The following PHLPP1 variants were observed in gnomAD, a reference collection of about 807,000 sequenced individuals.
PHLPP1 encodes PH domain leucine-rich repeat-containing protein phosphatase 1.
A neutral mutation model predicts 117.2 loss-of-function variants in PHLPP1; 42 were observed. The observed-to-expected ratio is 0.36, with a 90% CI of 0.28 to 0.46. The LOEUF (loss-of-function observed/expected upper bound fraction) is 0.46. Ranked by LOEUF, PHLPP1 falls within the 20% of genes least tolerant of loss-of-function variation. The probability of loss-of-function intolerance (pLI) is 1.00; values close to 1 mark genes in which losing one functional copy is unlikely to be tolerated. For synonymous variants in PHLPP1, 1,042 were observed against 970.7 expected, an observed-to-expected ratio of 1.07 and a Z score of -1.37; for missense variants, 2,084 against 2,241.9, an observed-to-expected ratio of 0.93 and a Z score of 1.42.
intron 1 of PHLPP1, among the ~76,000 whole-genome samples, chr18:62,752,749 A>G (rs934980024): frequency 1.3e-5 from 2 of 152,188 alleles, no homozygotes; most frequent in African/African-American, 4.8e-5. Flanking sequence ...CACTCTTGTT[A>G]CATGTTCAAT....
intron 1 of PHLPP1, among the ~76,000 whole-genome samples, chr18:62,801,297 C>T (rs909688266): frequency 5.3e-5 from 8 of 151,516 alleles, no homozygotes; most frequent in Non-Finnish European, 1.2e-4. Flanking sequence ...CTTGCCTTGG[C>T]CTCCCAAAGT....
Position 62,979,640 on chromosome 18 carries a change from G to A in PHLPP1, c.*209G>A. On this transcript the variant is annotated 3_prime_UTR_variant, in exon 17 of 17. Transcript: ENST00000262719. Reference sequence around the variant, plus strand: ...TCTTCTAGTGATGCTTTACCAATATGATTTACATTTGTTAACTTCTCCCCC... The same window carrying A: ...TCTTCTAGTGATGCTTTACCAATATAATTTACATTTGTTAACTTCTCCCCC... 1 of 588,826 alleles carries A rather than the reference G, an allele frequency of 1.7e-6. No homozygotes were observed. The highest frequency in any genetic ancestry group is 3.2e-5 in the Admixed American group (1 of 31,038). 36.5% of individuals were successfully genotyped at this position (588,826 alleles called of 1,614,324 possible). A position where few individuals can be genotyped will look rare whatever the true frequency, so the allele number is the denominator to read the frequency against.
At chr18:62,895,250 G>A in intron 5 of PHLPP1, 93 bp downstream of exon 5, 1 of 1,305,926 alleles carries the variant, frequency 7.7e-7, no homozygotes, top group Non-Finnish European at 1.1e-6. Flanking sequence ...AACTTGTTAT[G>A]TTGCTCATGT....
chr18:62,729,861 A>G (rs781764055), intron 1 of PHLPP1, among the ~76,000 whole-genome samples: 2 of 152,240 alleles, frequency 1.3e-5, no homozygotes, highest in Non-Finnish European at 2.9e-5. Flanking sequence ...ATTATATAGT[A>G]TTTTGGTATT....
In PHLPP1 at chr18:62,716,428, G is replaced by T. The variant is rs1599009522; in HGVS notation, c.745G>T (p.Gly249Cys). The change falls in exon 1 of 17, where the codon GGC (glycine) becomes TGC (cysteine). Residue 249 changes from glycine (G) to cysteine (C), a missense_variant. Physicochemically the swap from Gly to Cys is radical, Grantham distance 159. Coordinates refer to ENST00000262719, the MANE Select transcript of PHLPP1 (RefSeq NM_194449.4). The surrounding 1 kb of genome is among the most constrained non-coding windows in gnomAD (Gnocchi z 5.7). The stretch of plus-strand genomic sequence containing the variant: ...AGGCGGCGGCGTGGTGAAGGTGCTG[G>T]GCCAGGGGCCCGGAGCCGCCGCCGC... Reference protein sequence around the residue: ...HKGGGVVKVLGQGPGAAAARE... With the variant: ...HKGGGVVKVLCQGPGAAAARE... 1 of 1,386,900 alleles carries T rather than the reference G, an allele frequency of 7.2e-7. No individual in the cohort carries two copies. Among genetic ancestry groups the T allele is most frequent in the East Asian group, 3.1e-5 (1 of 32,704 alleles). The allele number at this position is 1,386,900 out of a possible 1,614,324, so 85.9% of individuals were successfully genotyped here. A position where few individuals can be genotyped will look rare whatever the true frequency, so the allele number is the denominator to read the frequency against.
chr18:62,979,527 C>T lies in PHLPP1; in HGVS notation c.*96C>T, dbSNP rs975982425. On this transcript the variant is annotated 3_prime_UTR_variant, in exon 17 of 17. Transcript: ENST00000262719. The stretch of plus-strand genomic sequence containing the variant: ...TAAACCAGGGGTTTTACTCCACATC[C>T]TTCCCCCAGACACTGTTCCCAACCT... 2 of 1,339,188 alleles carry T rather than the reference C, an allele frequency of 1.5e-6. No homozygotes were observed. The highest frequency in any genetic ancestry group is 2.0e-6 in the Non-Finnish European group (2 of 986,236). 83.0% of individuals were successfully genotyped at this position (1,339,188 alleles called of 1,614,324 possible). A position where few individuals can be genotyped will look rare whatever the true frequency, so the allele number is the denominator to read the frequency against.
intron 10 of PHLPP1, among the ~76,000 whole-genome samples, chr18:62,925,469 A>G (rs754917267): frequency 6.7e-6 from 1 of 150,332 alleles, no homozygotes; most frequent in Non-Finnish European, 1.5e-5. Flanking sequence ...GTGCTTATTA[A>G]ATATTCCCAG....
chr18:62,886,091 C>T (rs1916281075), intron 4 of PHLPP1, among the ~76,000 whole-genome samples: 1 of 152,106 alleles, frequency 6.6e-6, no homozygotes, highest in African/African-American at 2.4e-5. Context: ...TGTGTATAAA[C>T]GTACGGTGTC....
rs60926774 is a variant in PHLPP1, at chr18:62,963,377, C to T, written c.3465C>T (p.Arg1155=). 1.0e-3 allele frequency: 1,607 copies of T among 1,610,920 alleles called. 13 individuals carry two copies. In the African/African-American group the frequency reaches 0.019, roughly 19 times the overall value. ...CTGTTTCTCTTGTTAGTAATATCCG[C>T]TGTTTCAAGATTGATCAGCCTTCTA... ...HKTLELLNNI[R]CFKIDQPSTG... is the part of the protein sequence containing the mutation. Residue 1155 remains arginine (R), a synonymous_variant, in exon 14 of 17, where the codon CGC becomes CGT. Coordinates refer to ENST00000262719, the MANE Select transcript of PHLPP1 (RefSeq NM_194449.4).
intron 14 of PHLPP1, among the ~76,000 whole-genome samples, chr18:62,968,513 A>G (rs528106820): frequency 6.2e-5 from 9 of 144,868 alleles, no homozygotes; most frequent in African/African-American, 1.8e-4. Context: ...CCTGTTCATA[A>G]TATCCCATTA....
At chr18:62,918,449 A>T (rs200923970) in intron 9 of PHLPP1, among the ~76,000 whole-genome samples, 1 of 68,914 alleles carries the variant, frequency 1.5e-5, no homozygotes, top group Non-Finnish European at 3.3e-5. Context: ...TATATATATG[A>T]TGAACCACAT....
In PHLPP1 at chr18:62,947,270, T is replaced by C. The variant is rs1445490384; in HGVS notation, c.3324+1999T>C. On this transcript the variant is annotated intron_variant, in intron 12 of 16. Coordinates refer to ENST00000262719, the MANE Select transcript of PHLPP1 (RefSeq NM_194449.4). Reference sequence around the variant, plus strand: ...TATGGAGATGAAATGAAATAATACATGTAAAGCATTTGAAATAGGAGTGTC... The same window carrying C: ...TATGGAGATGAAATGAAATAATACACGTAAAGCATTTGAAATAGGAGTGTC... Among the ~76,000 whole-genome samples, 3 of 152,198 alleles carry C rather than the reference T, an allele frequency of 2.0e-5. No homozygotes were observed. In the East Asian group the frequency reaches 5.8e-4, roughly 29 times the overall value.
chr18:62,770,185 A>T (rs1251091893), intron 1 of PHLPP1, among the ~76,000 whole-genome samples: 1 of 152,094 alleles, frequency 6.6e-6, no homozygotes, highest in East Asian at 1.9e-4. Context: ...ATCTTGGCTC[A>T]TTGCAACCTC....
intron 1 of PHLPP1, among the ~76,000 whole-genome samples, chr18:62,755,544 A>G (rs981131413): frequency 2.6e-5 from 4 of 152,174 alleles, no homozygotes; most frequent in African/African-American, 9.7e-5. Context: ...GTGCCCTTAT[A>G]AAAGACGCCT....
intron 12 of PHLPP1, 140 bp from the exon 13 acceptor site, chr18:62,958,489 A>T (rs1482021673): frequency 1.4e-6 from 1 of 726,314 alleles, no homozygotes; most frequent in South Asian, 3.2e-5. Flanking sequence ...AAAGTAACAG[A>T]TAAGCCTCCT....
At position 62,715,629 on chromosome 18, in the gene PHLPP1, TC is replaced by T; in HGVS notation, c.-52del. 8.4e-7 allele frequency: 1 copy of T among 1,186,516 alleles called. No individual in the cohort carries two copies. The highest frequency in any genetic ancestry group is 3.2e-5 in the East Asian group (1 of 31,622). The allele number at this position is 1,186,516 out of a possible 1,614,324, so 73.5% of individuals were successfully genotyped here. ...CGTCTCCCACCTCCGCCTCATCGCCTCCCTCTCCGCCCGCTGCCTCCGGAGC... is the reference window on the plus strand; with the variant it reads ...CGTCTCCCACCTCCGCCTCATCGCCTCCTCTCCGCCCGCTGCCTCCGGAGC... On this transcript the variant is annotated 5_prime_UTR_variant, in exon 1 of 17. Transcript: ENST00000262719.
At chr18:62,804,060 T>C (rs1193031155) in intron 1 of PHLPP1, among the ~76,000 whole-genome samples, 20 of 152,140 alleles carry the variant, frequency 1.3e-4, no homozygotes, top group Admixed American at 1.3e-3. Context: ...TGTAATTGAC[T>C]CACAGTTCCA....
intron 1 of PHLPP1, among the ~76,000 whole-genome samples, chr18:62,733,896 G>A (rs565196558): frequency 8.9e-4 from 135 of 152,260 alleles, no homozygotes; most frequent in African/African-American, 3.2e-3. Flanking sequence ...AATAGTTCCA[G>A]TTGAATCCTT....
chr18:62,893,960 C>T (rs1304622492), intron 4 of PHLPP1, among the ~76,000 whole-genome samples: 1 of 152,106 alleles, frequency 6.6e-6, no homozygotes, highest in African/African-American at 2.4e-5. Context: ...GAGGAGCCAG[C>T]ATGTGATAGG....
Sources: allele counts gnomAD v4.1 joint callset (sites outside exome capture counted in the v4.1 genomes callset), GRCh38; gene constraint gnomAD v4.1.1; non-coding constraint Gnocchi (gnomAD v3.1); transcripts MANE v1.5; gene names NCBI Gene and HGNC (gene_info 2026-07-23, HGNC 2026-07-21).